Variants in P2RX7 observed in about 807,000 individuals in gnomAD.
P2RX7 encodes the protein purinergic receptor P2X 7, also known as P2X purinoceptor 7.
In P2RX7, 62 loss-of-function variants were observed where a neutral mutation model predicts 71.6. That is an observed-to-expected ratio of 0.87 (90% CI 0.71 to 1.07). The LOEUF is 1.07. P2RX7 is among the 50% of genes least tolerant of loss of function. The probability of loss-of-function intolerance (pLI) is 0.00; values close to 1 mark genes in which losing one functional copy is unlikely to be tolerated. For synonymous variants in P2RX7, 299 were observed against 283.3 expected, an observed-to-expected ratio of 1.06 and a Z score of -0.56; for missense variants, 686 against 748.5, an observed-to-expected ratio of 0.92 and a Z score of 0.97.
intron 12 of P2RX7, among the ~76,000 whole-genome samples, chr12:121,181,227 T>A (rs1055963710): frequency 2.0e-5 from 3 of 152,216 alleles, no homozygotes; most frequent in Non-Finnish European, 2.9e-5. Flanking sequence ...TTGTGAGAGT[T>A]GTTCATGATG....
chr12:121,184,129 G>C (rs879665980), intron 12 of P2RX7, among the ~76,000 whole-genome samples, 176 bp from the exon 13 acceptor site: 2 of 151,786 alleles, frequency 1.3e-5, no homozygotes, highest in Non-Finnish European at 2.9e-5. Flanking sequence ...GTCTTCAAAG[G>C]CCTGAATGAG....
chr12:121,133,598 AC>A (rs1403135864), intron 1 of P2RX7, among the ~76,000 whole-genome samples: 1 of 152,158 alleles, frequency 6.6e-6, no homozygotes, highest in Admixed American at 6.5e-5. Context: ...CATACAATTG[AC>A]CCATTTAAAG....
At chr12:121,136,492 A>ATT (rs111788243) in intron 1 of P2RX7, among the ~76,000 whole-genome samples, 6 of 148,514 alleles carry the variant, frequency 4.0e-5, no homozygotes, top group African/African-American at 1.5e-4. Context: ...CTAATTTTTT[A>ATT]TTTTTTTTTG....
At chr12:121,163,340 ACACACACACACACACACG>A (rs1271451916) in intron 5 of P2RX7, among the ~76,000 whole-genome samples, 3 of 125,772 alleles carry the variant, frequency 2.4e-5, no homozygotes, top group African/African-American at 9.5e-5. Context: ...ACACACACAC[ACACACACACACACACACG>A]CACACACACA....
chr12:121,146,181 A>G (rs924680160), intron 1 of P2RX7, among the ~76,000 whole-genome samples: 9 of 151,678 alleles, frequency 5.9e-5, no homozygotes, highest in African/African-American at 2.2e-4. Context: ...CTCTTCTTCA[A>G]ACTCACAGCC....
At chr12:121,174,793 A>T (rs1029162929) in intron 8 of P2RX7, among the ~76,000 whole-genome samples, 1 of 151,682 alleles carries the variant, frequency 6.6e-6, no homozygotes, top group Non-Finnish European at 1.5e-5. Flanking sequence ...TTGGTTTAAA[A>T]TGTGCATTTT....
chr12:121,181,378 T>C (rs962698004), intron 12 of P2RX7, among the ~76,000 whole-genome samples: 2 of 152,214 alleles, frequency 1.3e-5, no homozygotes, highest in South Asian at 4.1e-4. Flanking sequence ...CATATGGCAC[T>C]CTACTGGACA....
chr12:121,137,404 G>A (rs1873931287), intron 1 of P2RX7, among the ~76,000 whole-genome samples: 1 of 152,128 alleles, frequency 6.6e-6, no homozygotes, highest in Non-Finnish European at 1.5e-5. Context: ...AGTGGGAGGT[G>A]TTTGCTATGC....
At chr12:121,145,554 T>C (rs1405658312) in intron 1 of P2RX7, among the ~76,000 whole-genome samples, 3 of 151,592 alleles carry the variant, frequency 2.0e-5, no homozygotes, top group Non-Finnish European at 4.4e-5. Context: ...TCGCCCAGGC[T>C]GGAGTGCGAT....
intron 12 of P2RX7, among the ~76,000 whole-genome samples, chr12:121,184,064 C>T (rs1465239034): frequency 2.3e-5 from 3 of 129,188 alleles, no homozygotes; most frequent in Admixed American, 8.4e-5. Flanking sequence ...GACCCTCTCT[C>T]AAAAAAAAAA....
rs76239240 is a variant in P2RX7, at chr12:121,174,794, T to C, written c.882-594T>C. 6.2e-3 allele frequency among the ~76,000 whole-genome samples: 947 copies of C among 152,076 alleles called. 9 individuals are homozygous for C. Among genetic ancestry groups the C allele is most frequent in the African/African-American group, 0.022 (894 of 41,488 alleles). On this transcript the variant is annotated intron_variant, in intron 8 of 12. Coordinates refer to ENST00000328963, the MANE Select transcript of P2RX7 (RefSeq NM_002562.6). ...TTGTTAATCCTGTGTTGGTTTAAAA[T>C]GTGCATTTTAATCTTAAGCGACAAG...
chr12:121,163,218 C>T (rs79890533), intron 5 of P2RX7, among the ~76,000 whole-genome samples: 3,893 of 152,102 alleles, frequency 0.026, 70 homozygotes, highest in South Asian at 0.069. Flanking sequence ...AGTGTCCTCA[C>T]CTGTAAAAGC....
chr12:121,170,289 C>T (rs970311573), intron 8 of P2RX7, among the ~76,000 whole-genome samples: 4 of 152,022 alleles, frequency 2.6e-5, no homozygotes, highest in Admixed American at 1.3e-4. Flanking sequence ...CAGAAGCATG[C>T]GGGGCAGTGT....
chr12:121,180,900 G>C (rs1250704203), intron 12 of P2RX7, among the ~76,000 whole-genome samples: 2 of 151,798 alleles, frequency 1.3e-5, no homozygotes, highest in African/African-American at 4.8e-5. Flanking sequence ...GGAGGTGGAG[G>C]TTGCAGTGAG....
intron 5 of P2RX7, among the ~76,000 whole-genome samples, chr12:121,163,372 A>AAG (rs1880232375): frequency 6.6e-6 from 1 of 151,282 alleles, no homozygotes; most frequent in African/African-American, 2.4e-5. Context: ...ACACACACAC[A>AAG]CACACAATCT....
At position 121,156,105 on chromosome 12, in the gene P2RX7, C is replaced by T; in HGVS notation, c.321C>T (p.Asn107=). The change falls in exon 3 of 13, where the codon AAC becomes AAT. Residue 107 remains asparagine (N), a synonymous_variant. Transcript: ENST00000328963. ...GGAACTCTTTCTTCGTGATGACAAA[C>T]TTTCTCAAAACAGAAGGCCAAGAGC... ...LQGNSFFVMT[N]FLKTEGQEQR... is the part of the protein sequence containing the mutation. 1 of 1,614,198 alleles carries T rather than the reference C, an allele frequency of 6.2e-7. No individual in the cohort carries two copies. The highest frequency in any genetic ancestry group is 1.7e-5 in the Admixed American group (1 of 60,020).
intron 11 of P2RX7, among the ~76,000 whole-genome samples, chr12:121,180,135 T>C (rs868358512): frequency 5.6e-4 from 58 of 104,262 alleles, no homozygotes; most frequent in African/African-American, 9.0e-4. Flanking sequence ...GCAACAAGAG[T>C]GAACTCCAAC....
At chr12:121,150,264 G>A (rs1386700129) in intron 1 of P2RX7, among the ~76,000 whole-genome samples, 1 of 152,100 alleles carries the variant, frequency 6.6e-6, no homozygotes, top group Non-Finnish European at 1.5e-5. Context: ...AAATTTACAT[G>A]TTCATGATGA....
chr12:121,167,142 G>C, intron 7 of P2RX7, among the ~76,000 whole-genome samples: 1 of 151,968 alleles, frequency 6.6e-6, no homozygotes, highest in East Asian at 1.9e-4. Context: ...AAAGATATTT[G>C]ATAGAGTGCC....
Sources: gnomAD v4.1 joint callset for allele counts (sites outside exome capture counted in the v4.1 genomes callset) on GRCh38, gnomAD v4.1.1 for gene constraint, MANE v1.5 for transcripts, NCBI Gene and HGNC (gene_info 2026-07-23, HGNC 2026-07-21) for gene names.